Variants in MRPL39 observed in about 807,000 individuals in gnomAD.
MRPL39 encodes large ribosomal subunit protein mL39.
In MRPL39, 35 loss-of-function variants were observed where a neutral mutation model predicts 44.5. The observed-to-expected ratio is 0.79, with a 90% CI of 0.60 to 1.04. The LOEUF is 1.04. MRPL39 is among the 50% of genes least tolerant of loss of function. The pLI is 0.00. For synonymous variants in MRPL39, 139 were observed against 136.1 expected, an observed-to-expected ratio of 1.02 and a Z score of -0.15; for missense variants, 433 against 413.5, an observed-to-expected ratio of 1.05 and a Z score of -0.41.
intron 3 of MRPL39, among the ~76,000 whole-genome samples, chr21:25,603,578 T>C (rs2031580229): frequency 6.6e-6 from 1 of 152,084 alleles, no homozygotes; most frequent in Non-Finnish European, 1.5e-5. Context: ...AAGATATGAA[T>C]ATAAAAGACA....
At position 25,592,802 on chromosome 21, in the gene MRPL39, C is replaced by T. The variant is rs2031220232; in HGVS notation, c.921+10G>A. On this transcript the variant is annotated intron_variant, in intron 8 of 9. Coordinates refer to ENST00000352957, the MANE Select transcript of MRPL39 (RefSeq NM_017446.4). ...AAATTGGAAGACCTAGAACTTTAAG[C>T]TTTACTTACTCTTAAGTGAACAGGT... The T allele has an allele frequency of 6.3e-7, 1 of 1,581,536 alleles. No individual in the cohort carries two copies. Among genetic ancestry groups the T allele is most frequent in the African/African-American group, 1.4e-5 (1 of 73,928 alleles).
chr21:25,591,055 G>A (rs990694759), intron 8 of MRPL39, among the ~76,000 whole-genome samples: 2 of 138,826 alleles, frequency 1.4e-5, no homozygotes, highest in Non-Finnish European at 3.0e-5. Context: ...AATGGTGTTG[G>A]AGCAATCTGA....
intron 2 of MRPL39, 80 bp from the exon 3 acceptor site, chr21:25,604,015 T>C: frequency 1.5e-6 from 2 of 1,354,582 alleles, no homozygotes; most frequent in Non-Finnish European, 1.0e-6. Flanking sequence ...TTTAGAAATA[T>C]AACAATGGAA....
In MRPL39 at chr21:25,607,447, G is replaced by A. The variant is rs2031723367; in HGVS notation, c.29C>T (p.Ala10Val). The change falls in exon 1 of 10, where the codon GCG becomes GTG. Residue 10 changes from alanine (A) to valine (V), a missense_variant. By Grantham distance (64) the Ala-to-Val change is moderately conservative (BLOSUM62 0). Transcript: ENST00000352957. Reference sequence around the variant, plus strand: ...GGGTGCGACCAGCCAGAGCCGCAGCGCCCGGGAACCCATGGCCAGCGCCTC... The same window carrying A: ...GGGTGCGACCAGCCAGAGCCGCAGCACCCGGGAACCCATGGCCAGCGCCTC... MEALAMGSR[A>V]LRLWLVAPGG... 5 of 1,612,884 alleles carry A rather than the reference G, an allele frequency of 3.1e-6. No individual in the cohort carries two copies. The African/African-American group carries it at 4.0e-5, about 13-fold the overall frequency.
rs1004353922 is a variant in MRPL39, at chr21:25,593,799, C to T, written c.767+94G>A. The T allele has an allele frequency of 1.9e-5, 20 of 1,075,860 alleles. No homozygotes were observed. In the East Asian group the frequency reaches 2.2e-4, roughly 12 times the overall value. 66.6% of individuals were successfully genotyped at this position (1,075,860 alleles called of 1,614,324 possible). On this transcript the variant is annotated intron_variant, in intron 7 of 9. Transcript: ENST00000352957. ...AAGGTAATAAGAACAAAATAAGACACAAATTCATCTTTTTTGGTCATATGC... is the reference window on the plus strand; with the variant it reads ...AAGGTAATAAGAACAAAATAAGACATAAATTCATCTTTTTTGGTCATATGC...
At chr21:25,594,252 T>C (rs2031280997) in intron 6 of MRPL39, among the ~76,000 whole-genome samples, 1 of 19,630 alleles carries the variant, frequency 5.1e-5, no homozygotes, top group East Asian at 4.6e-4. Context: ...CTTTGTTCTT[T>C]TTTTTTTTTT....
intron 5 of MRPL39, among the ~76,000 whole-genome samples, chr21:25,598,842 T>C (rs1237329459): frequency 7.8e-6 from 1 of 128,584 alleles, no homozygotes; most frequent in Non-Finnish European, 1.6e-5. Context: ...AAATCTAAGA[T>C]GTATTACTAA....
chr21:25,593,857 T>G (rs768226100), intron 7 of MRPL39, 36 bp downstream of exon 7: 3 of 1,575,230 alleles, frequency 1.9e-6, no homozygotes, highest in Non-Finnish European at 2.6e-6. Flanking sequence ...TAAGCCTTAC[T>G]CTAACATAGC....
chr21:25,605,965 C>T (rs2031651948), intron 2 of MRPL39, among the ~76,000 whole-genome samples: 2 of 152,072 alleles, frequency 1.3e-5, no homozygotes, highest in South Asian at 4.1e-4. Context: ...TATCTAGTAC[C>T]ATAAACAAAG....
At chr21:25,592,780 T>C (rs766042475) in intron 8 of MRPL39, 32 bp downstream of exon 8, 17 of 1,507,724 alleles carry the variant, frequency 1.1e-5, no homozygotes, top group Admixed American at 2.0e-5. Context: ...TATACCCAAA[T>C]TGGAAGACCT....
intron 2 of MRPL39, among the ~76,000 whole-genome samples, chr21:25,604,478 T>C (rs978198363): frequency 2.0e-5 from 3 of 152,188 alleles, no homozygotes; most frequent in Non-Finnish European, 4.4e-5. Context: ...AAGGGAAATA[T>C]ATTAATACAC....
intron 6 of MRPL39, among the ~76,000 whole-genome samples, chr21:25,596,708 T>C (rs1467793560): frequency 6.6e-6 from 1 of 152,198 alleles, no homozygotes; most frequent in Non-Finnish European, 1.5e-5. Flanking sequence ...TTTCTCTTTC[T>C]AGTTAGTTCT....
At position 25,587,501 on chromosome 21, in the gene MRPL39, T is replaced by C. The variant is rs183108974; in HGVS notation, c.969+1334A>G. Among the ~76,000 whole-genome samples the C allele has an allele frequency of 3.4e-3, 519 of 152,310 alleles. 1 individual carries two copies. The highest frequency in any genetic ancestry group is 4.5e-3 in the Non-Finnish European group (303 of 68,026). ...TAGGTTTATATATCATTATGAAAAA[T>C]TGTCAATAAATATTTCTTGGGTAAC... On this transcript the variant is annotated intron_variant, in intron 9 of 9. Transcript: ENST00000352957.
At chr21:25,599,163 C>G (rs2031449456) in intron 5 of MRPL39, among the ~76,000 whole-genome samples, 1 of 152,216 alleles carries the variant, frequency 6.6e-6, no homozygotes, top group African/African-American at 2.4e-5. Context: ...CCTTGTTAGG[C>G]TCTGTTGCTA....
chr21:25,592,010 A>G (rs1035721634), intron 8 of MRPL39, among the ~76,000 whole-genome samples: 7 of 152,256 alleles, frequency 4.6e-5, no homozygotes, highest in Admixed American at 2.0e-4. Context: ...GATATACTCA[A>G]TGTACTCGGA....
intron 8 of MRPL39, among the ~76,000 whole-genome samples, chr21:25,591,918 CT>C (rs1039279041): frequency 1.3e-5 from 2 of 152,152 alleles, no homozygotes; most frequent in Non-Finnish European, 2.9e-5. Flanking sequence ...CTCAGATGTC[CT>C]TTGATGGATG....
Position 25,607,428 on chromosome 21 carries a change from G to A in MRPL39, c.48C>T (p.Val16=), listed in dbSNP as rs374390952. The A allele has an allele frequency of 5.6e-6, 9 of 1,613,264 alleles. No individual in the cohort carries two copies. The African/African-American group carries it at 9.3e-5, about 17-fold the overall frequency. The change falls in exon 1 of 10, where the codon GTC becomes GTT. Residue 16 remains valine (V), a synonymous_variant. Coordinates refer to ENST00000352957, the MANE Select transcript of MRPL39 (RefSeq NM_017446.4). The part of the protein sequence containing the change: ...MGSRALRLWL[V]APGGGIKWRF... ...TCCATTTGATCCCGCCACCGGGTGC[G>A]ACCAGCCAGAGCCGCAGCGCCCGGG...
At chr21:25,607,534 A>C (rs1323717228), upstream of MRPL39, 1 of 1,566,576 alleles carries the variant, frequency 6.4e-7, no homozygotes, top group Non-Finnish European at 8.7e-7. Context: ...CCGGAAACCG[A>C]ACGCGCACTC....
Position 25,592,819 on chromosome 21 carries a change from T to G in MRPL39, c.914A>C (p.His305Pro). ...ACTTTAAGCTTTACTTACTCTTAAG[T>G]GAACAGGTAAAGACACGCCCTGGAA... is the stretch of plus-strand genomic sequence containing the variant. Reference protein sequence around the residue: ...RRFQGVSLPVHLRAHFTIWDK... With the variant: ...RRFQGVSLPVPLRAHFTIWDK... The change falls in exon 8 of 10, where the codon CAC becomes CCC. Residue 305 changes from histidine to proline, a missense_variant. By Grantham distance (77) the His-to-Pro change is moderately conservative (BLOSUM62 -2). Transcript: ENST00000352957. The G allele has an allele frequency of 1.2e-6, 2 of 1,606,594 alleles. No homozygotes were observed. Among genetic ancestry groups the G allele is most frequent in the Non-Finnish European group, 1.7e-6 (2 of 1,175,676 alleles).
Sources: allele counts gnomAD v4.1 joint callset (sites outside exome capture counted in the v4.1 genomes callset), GRCh38; gene constraint gnomAD v4.1.1; transcripts MANE v1.5; gene names NCBI Gene and HGNC (gene_info 2026-07-23, HGNC 2026-07-21).